The following PSG8 variants were observed in gnomAD, a reference collection of about 807,000 sequenced individuals.
The protein encoded by PSG8 is pregnancy specific beta-1-glycoprotein 8.
PSG8 carries 57 observed loss-of-function variants against 42.5 expected under a neutral mutation model. The observed-to-expected ratio is 1.34, with a 90% CI of 1.08 to 1.67. The LOEUF (loss-of-function observed/expected upper bound fraction) is 1.67. Ranked by LOEUF, PSG8 falls within the 40% of genes most tolerant of loss-of-function variation. The pLI is 0.00. For synonymous variants in PSG8, 280 were observed against 196.8 expected (o/e 1.42, Z -3.54); for missense variants, 783 against 518.6 (o/e 1.51, Z -4.95).
intron 2 of PSG8, among the ~76,000 whole-genome samples, chr19:42,760,277 A>T (rs4277442): frequency 0.7 from 106,625 of 151,976 alleles, 39,040 homozygotes; most frequent in African/African-American, 0.91. Context: ...TGGCAAAGGC[A>T]GTAAAACCAT....
intron 2 of PSG8, 66 bp downstream of exon 2, chr19:42,763,850 C>T: frequency 1.9e-6 from 3 of 1,611,626 alleles, no homozygotes; most frequent in African/African-American, 2.7e-5. Flanking sequence ...GCCTGACAAT[C>T]CTGTGTGTGT....
Position 42,758,191 on chromosome 19 carries a change from G to A in PSG8, c.520C>T (p.Pro174Ser), listed in dbSNP as rs771409114. ...AVSLTCDPET[P>S]DASYLWWMNG... ...ATCCACCACAGGTAGCTTGCGTCCG[G>A]AGTCTCAGGATCACAGGTTAAGCTC... Residue 174 changes from proline to serine, a missense_variant, in exon 3 of 5, where the codon CCG (proline) becomes TCG (serine). Coordinates refer to ENST00000306511, the MANE Select transcript of PSG8 (RefSeq NM_182707.3). 1 of 1,614,036 alleles carries A rather than the reference G, an allele frequency of 6.2e-7. No homozygotes were observed. The highest frequency in any genetic ancestry group is 1.1e-5 in the South Asian group (1 of 91,062).
In PSG8 at chr19:42,755,784, G is replaced by T. The variant is rs187693784; in HGVS notation, c.710-518C>A. The T allele has an allele frequency of 2.9e-3, 485 of 167,448 alleles. 4 individuals carry two copies. Among genetic ancestry groups the T allele is most frequent in the Middle Eastern group, 6.4e-3 (2 of 312 alleles). 10.4% of individuals were successfully genotyped at this position (167,448 alleles called of 1,614,324 possible). On this transcript the variant is annotated intron_variant, in intron 3 of 4. Coordinates refer to ENST00000306511, the MANE Select transcript of PSG8 (RefSeq NM_182707.3). ...TGGCCTGGGACTGGATGTTTCAGCA[G>T]AAATAACACAGGGGAGACCAGAATC...
rs747553898 is a variant in PSG8 at position 42,758,031 on chromosome 19, C to T, written c.680G>A (p.Arg227His). The stretch of plus-strand genomic sequence containing the variant: ...GAGATTCAGGGTGAATGGGTCACTG[C>T]GGCTGGCACTCACTGGGTTCCGTAT... ...CEIRNPVSAS[R>H]SDPFTLNLLP... The change falls in exon 3 of 5, where the codon CGC becomes CAC. Residue 227 changes from arginine to histidine, a missense_variant. Arg to His is a conservative substitution (Grantham distance 29, BLOSUM62 0). Transcript: ENST00000306511. 42 of 1,613,858 alleles carry T rather than the reference C, an allele frequency of 2.6e-5. No individual in the cohort carries two copies. Among genetic ancestry groups the T allele is most frequent in the African/African-American group, 9.3e-5 (7 of 74,890 alleles).
chr19:42,754,813 T>A, intron 4 of PSG8, 175 bp downstream of exon 4: 1 of 1,463,638 alleles, frequency 6.8e-7, no homozygotes, highest in Admixed American at 2.5e-5. Flanking sequence ...CCCCTTATAC[T>A]CTTGGTTAAG....
At chr19:42,752,841 A>C, downstream of PSG8, 1 of 196,112 alleles carries the variant, frequency 5.1e-6, no homozygotes, top group Non-Finnish European at 1.0e-5. Context: ...CTTCATAGAA[A>C]CCATCTTATC....
chr19:42,753,184 G>A, downstream of PSG8: 2 of 747,518 alleles, frequency 2.7e-6, no homozygotes, highest in Non-Finnish European at 4.9e-6. Flanking sequence ...AGCATCTGTT[G>A]TTATGGTGTC....
At position 42,764,256 on chromosome 19, in the gene PSG8, T is replaced by C. The variant is rs558478881; in HGVS notation, c.90A>G (p.Pro30=). Residue 30 remains proline, a synonymous_variant, in exon 2 of 5, where the codon CCA becomes CCG. Coordinates refer to ENST00000306511, the MANE Select transcript of PSG8 (RefSeq NM_182707.3). ...CAATCGTGACTTGGGCAGTCGTGGG[T>C]GGGTTCCAGAAGTTTAAAAGTGATG... ...LTASLLNFWN[P]PTTAQVTIEA... 29 of 1,613,536 alleles carry C rather than the reference T, an allele frequency of 1.8e-5. No homozygotes were observed. The highest frequency in any genetic ancestry group is 1.6e-4 in the South Asian group (15 of 91,044).
intron 3 of PSG8, among the ~76,000 whole-genome samples, chr19:42,756,717 G>A (rs1349386862): frequency 2.0e-5 from 3 of 152,062 alleles, no homozygotes; most frequent in Admixed American, 6.5e-5. Flanking sequence ...GAAGGCTTTG[G>A]GATGTGAAGC....
chr19:42,765,610 G>T lies in PSG8; in HGVS notation c.-29C>A. 6.2e-7 allele frequency: 1 copy of T among 1,606,924 alleles called. No individual in the cohort carries two copies. Among genetic ancestry groups the T allele is most frequent in the East Asian group, 2.2e-5 (1 of 44,826 alleles). ...CTCTGCTGTCTGTGTGTTCTCCTCT[G>T]TGGAGATGAGCCTAGGATCCAGAAG... is the stretch of plus-strand genomic sequence containing the variant. On this transcript the variant is annotated 5_prime_UTR_variant, in exon 1 of 5. Coordinates refer to ENST00000306511, the MANE Select transcript of PSG8 (RefSeq NM_182707.3).
rs1215367673 is a variant in PSG8, at chr19:42,760,475, C to A, written c.431-2195G>T. Among the ~76,000 whole-genome samples, 3 of 152,146 alleles carry A rather than the reference C, an allele frequency of 2.0e-5. 1 individual carries two copies. The highest frequency in any genetic ancestry group is 4.4e-5 in the Non-Finnish European group (3 of 68,020). Reference sequence around the variant, plus strand: ...TTTTACCCCACTCTTTTTGAACTTTCCTGTTTCAGTTTTGGAAGTTTCTAT... The same window carrying A: ...TTTTACCCCACTCTTTTTGAACTTTACTGTTTCAGTTTTGGAAGTTTCTAT... On this transcript the variant is annotated intron_variant, in intron 2 of 4. Transcript: ENST00000306511.
chr19:42,755,518 G>T, intron 3 of PSG8: 1 of 810,564 alleles, frequency 1.2e-6, no homozygotes, highest in Non-Finnish European at 1.8e-6. Context: ...GTCATGGACA[G>T]ACACGTCAGT....
chr19:42,764,349 G>T (rs1441144798), intron 1 of PSG8, 68 bp from the exon 2 acceptor site: 24 of 1,551,722 alleles, frequency 1.5e-5, no homozygotes, highest in Non-Finnish European at 2.1e-5. Flanking sequence ...TGGGGCCCTG[G>T]GTCCTGAGAA....
In PSG8 at chr19:42,754,815, T is replaced by G. The variant is rs540940148; in HGVS notation, c.988+173A>C. The G allele has an allele frequency of 4.1e-6, 6 of 1,465,554 alleles. 1 individual carries two copies. In the Admixed American group the frequency reaches 1.5e-4, roughly 37 times the overall value. 90.8% of individuals were successfully genotyped at this position (1,465,554 alleles called of 1,614,324 possible). On this transcript the variant is annotated intron_variant, in intron 4 of 4. Transcript: ENST00000306511. ...AAGAGCGTCCACTCCCCTTATACTC[T>G]TGGTTAAGGCTGTGCCTACCCAGGT...
chr19:42,763,289 CT>C (rs1970123375), intron 2 of PSG8, among the ~76,000 whole-genome samples: 1 of 152,100 alleles, frequency 6.6e-6, no homozygotes, highest in African/African-American at 2.4e-5. Context: ...GTCTGATGGC[CT>C]ACAAAGCTTG....
Position 42,757,991 on chromosome 19 carries a change from A to C in PSG8, c.709+11T>G, listed in dbSNP as rs761806991. The C allele has an allele frequency of 8.1e-6, 13 of 1,614,002 alleles. No homozygotes were observed. Among genetic ancestry groups the C allele is most frequent in the Non-Finnish European group, 5.1e-6 (6 of 1,179,952 alleles). Reference sequence around the variant, plus strand: ...GGCAGCCTGGCTCACAGAGGAACAGAAAATACTCACGGAGGAGATTCAGGG... The same window carrying C: ...GGCAGCCTGGCTCACAGAGGAACAGCAAATACTCACGGAGGAGATTCAGGG... On this transcript the variant is annotated intron_variant, in intron 3 of 4. Transcript: ENST00000306511.
In PSG8 at chr19:42,754,540, A is replaced by T. The variant is rs1469497887; in HGVS notation, c.1036T>A (p.Ser346Thr). 6.2e-7 allele frequency: 1 copy of T among 1,613,740 alleles called. No individual in the cohort carries two copies. Among genetic ancestry groups the T allele is most frequent in the Admixed American group, 1.7e-5 (1 of 59,988 alleles). ...CAGGACAAGTAGAGGACTTCTCCTG[A>T]ACGGTAATAGGTGAATGAAGGGTAA... Reference protein sequence around the residue: ...RIYPSFTYYRSGEVLYLSCSA... With the variant: ...RIYPSFTYYRTGEVLYLSCSA... The change falls in exon 5 of 5, where the codon TCA becomes ACA. Residue 346 changes from serine to threonine, a missense_variant. By Grantham distance (58) the Ser-to-Thr change is moderately conservative. Transcript: ENST00000306511.
chr19:42,755,925 C>A (rs1195635193), intron 3 of PSG8: 1 of 155,230 alleles, frequency 6.4e-6, no homozygotes, highest in East Asian at 1.9e-4. Context: ...GAGCAGAGTG[C>A]AAGGAATGAT....
rs138905206 is a variant in PSG8 at position 42,754,588 on chromosome 19, C to G, written c.989-1G>C. On this transcript the variant is annotated splice_acceptor_variant, in intron 4 of 4. Transcript: ENST00000306511. LOFTEE classifies it high-confidence loss of function. The stretch of plus-strand genomic sequence containing the variant: ...TAAATTCTGGGGAGGTCTGGACCAT[C>G]TGGAGCAAAGAGAATAAAGCCACAG... 378 of 1,610,656 alleles carry G rather than the reference C, an allele frequency of 2.3e-4. 1 individual carries two copies. The African/African-American group carries it at 4.5e-3, about 19-fold the overall frequency.
Sources: allele counts gnomAD v4.1 joint callset (sites outside exome capture counted in the v4.1 genomes callset), GRCh38; gene constraint gnomAD v4.1.1; transcripts MANE v1.5; gene names NCBI Gene and HGNC (gene_info 2026-07-23, HGNC 2026-07-21).